The following ASTN2 variants were observed in gnomAD, a reference collection of about 807,000 sequenced individuals.
ASTN2 encodes the protein astrotactin 2.
In ASTN2, 54 loss-of-function variants were observed where a neutral mutation model predicts 139.8. The observed-to-expected ratio is 0.39, with a 90% CI of 0.31 to 0.48. ASTN2 has a LOEUF of 0.48. Among genes scored for constraint, ASTN2 ranks in the 20% least tolerant of loss-of-function variants. The probability of loss-of-function intolerance (pLI) is 0.95; values close to 1 mark genes in which losing one functional copy is unlikely to be tolerated. For synonymous variants in ASTN2, 756 were observed against 719.5 expected (o/e 1.05, Z -0.81); for missense variants, 1,565 against 1,725.1 (o/e 0.91, Z 1.64).
In ASTN2 at chr9:117,162,635, C is replaced by T. The variant is rs199573716; in HGVS notation, c.1016-21157G>A. ...CAAGTTCTTTAAGCTTTCCTAGCCT[C>T]GGTTTCTGTATCTGTAAAATCTGTA... On this transcript the variant is annotated intron_variant, in intron 3 of 22. Transcript: ENST00000313400. 1.9e-4 allele frequency among the ~76,000 whole-genome samples: 29 copies of T among 152,156 alleles called. No individual in the cohort carries two copies. The East Asian group carries it at 2.7e-3, about 14-fold the overall frequency.
chr9:116,801,925 G>A (rs1830870166), intron 13 of ASTN2, among the ~76,000 whole-genome samples: 1 of 152,082 alleles, frequency 6.6e-6, no homozygotes, highest in Non-Finnish European at 1.5e-5. Flanking sequence ...GGGCACTTAG[G>A]CTCTGGCTGT....
At chr9:116,598,809 T>C (rs1854718333) in intron 19 of ASTN2, among the ~76,000 whole-genome samples, 1 of 152,262 alleles carries the variant, frequency 6.6e-6, no homozygotes, top group African/African-American at 2.4e-5. Context: ...CTAGGTATCT[T>C]AGATGAACCT....
chr9:116,591,343 C>T (rs1588046967), intron 19 of ASTN2, among the ~76,000 whole-genome samples: 1 of 152,204 alleles, frequency 6.6e-6, no homozygotes, highest in East Asian at 1.9e-4. Flanking sequence ...AGCCACCTGC[C>T]CTTCTGCAGC....
intron 17 of ASTN2, among the ~76,000 whole-genome samples, chr9:116,632,194 GAGAAAGAAAGAAA>G (rs1271480182): frequency 7.4e-4 from 31 of 42,010 alleles, no homozygotes; most frequent in Non-Finnish European, 1.3e-3. Flanking sequence ...GGGAGAGAGA[GAGAAAGAAAGAAA>G]AGAAAGAAAG....
At chr9:116,971,825 C>T (rs1017856600) in intron 10 of ASTN2, among the ~76,000 whole-genome samples, 2 of 152,210 alleles carry the variant, frequency 1.3e-5, no homozygotes, top group African/African-American at 4.8e-5. Flanking sequence ...ACTTAATCTT[C>T]ATCACTCCAT....
intron 3 of ASTN2, among the ~76,000 whole-genome samples, chr9:117,186,989 C>T (rs1210758377): frequency 6.6e-6 from 1 of 151,870 alleles, no homozygotes; most frequent in Non-Finnish European, 1.5e-5. Context: ...ATTAGCAGGG[C>T]GTGTTGGTGC....
chr9:116,455,579 G>T (rs1848309033), intron 20 of ASTN2, among the ~76,000 whole-genome samples: 1 of 151,890 alleles, frequency 6.6e-6, no homozygotes, highest in African/African-American at 2.4e-5. Flanking sequence ...TGGGCAAAAT[G>T]ATCAATGACT....
At position 117,414,799 on chromosome 9, in the gene ASTN2, A is replaced by AGCG. The variant is rs770486164; in HGVS notation, c.137_139dup (p.Pro46dup). ...GGCAGCGGCGGTGGCGCCGGCCAGC[A>AGCG]GCGGCGGCGGCGGCAGCAGGAGCAG... On this transcript the variant is annotated inframe_insertion, in exon 1 of 23. Transcript: ENST00000313400. This position sits in a 1 kb window ranked among gnomAD's most constrained non-coding sequence, Gnocchi z 4.2. 1.2e-5 allele frequency: 15 copies of AGCG among 1,231,688 alleles called. No individual in the cohort carries two copies. The highest frequency in any genetic ancestry group is 1.1e-4 in the African/African-American group (7 of 62,086). The allele number at this position is 1,231,688 out of a possible 1,614,324, so 76.3% of individuals were successfully genotyped here.
intron 4 of ASTN2, among the ~76,000 whole-genome samples, chr9:117,104,135 G>A (rs143670932): frequency 3.8e-4 from 58 of 152,256 alleles, no homozygotes; most frequent in African/African-American, 1.3e-3. Context: ...AAATTTCTGC[G>A]GCATTCTTGG....
intron 17 of ASTN2, among the ~76,000 whole-genome samples, chr9:116,632,128 A>AAGAGAGAGAGAG (rs145360209): frequency 0.028 from 1,319 of 47,606 alleles, 30 homozygotes; most frequent in South Asian, 0.035. Context: ...AAAGAAAAAG[A>AAGAGAGAGAGAG]AGAGAGAGAG....
At chr9:116,651,290 CA>C (rs1857899115) in intron 17 of ASTN2, among the ~76,000 whole-genome samples, 3 of 152,130 alleles carry the variant, frequency 2.0e-5, no homozygotes, top group South Asian at 4.1e-4. Flanking sequence ...AACAAACAAA[CA>C]AAAACCTTGA....
intron 2 of ASTN2, among the ~76,000 whole-genome samples, chr9:117,263,321 C>A (rs764365937): frequency 6.6e-6 from 1 of 152,080 alleles, no homozygotes; most frequent in Non-Finnish European, 1.5e-5. Context: ...TTTTATCTAA[C>A]TATTCCTGAA....
intron 5 of ASTN2, among the ~76,000 whole-genome samples, chr9:117,095,568 T>C (rs1429289028): frequency 6.6e-6 from 1 of 152,234 alleles, no homozygotes; most frequent in Non-Finnish European, 1.5e-5. Flanking sequence ...TGCTTGATTC[T>C]TTCCCATTAA....
intron 19 of ASTN2, chr9:116,583,745 A>C (rs1854040916): frequency 6.6e-6 from 1 of 152,136 alleles, no homozygotes; most frequent in South Asian, 2.1e-4. Flanking sequence ...TGAGTCTGAA[A>C]TGGCAAGGAG....
intron 16 of ASTN2, among the ~76,000 whole-genome samples, chr9:116,696,089 C>A (rs1273836896): frequency 6.6e-6 from 1 of 152,168 alleles, no homozygotes; most frequent in Non-Finnish European, 1.5e-5. Flanking sequence ...TTTCCCCACT[C>A]CATTCCTGCT....
chr9:116,876,763 A>T (rs1208830679), intron 10 of ASTN2, among the ~76,000 whole-genome samples: 1 of 152,236 alleles, frequency 6.6e-6, no homozygotes, highest in Non-Finnish European at 1.5e-5. Context: ...ATATTTCTTA[A>T]TTAAGGTATG....
intron 16 of ASTN2, among the ~76,000 whole-genome samples, chr9:116,724,841 G>C (rs750994497): frequency 6.6e-5 from 10 of 152,180 alleles, no homozygotes; most frequent in Non-Finnish European, 1.3e-4. Context: ...ATATCAAGAA[G>C]CATTTCAGTA....
Position 117,346,010 on chromosome 9 carries a change from C to CAAAAAAAAAAAAAAAAAA in ASTN2, c.443-54498_443-54497insTTTTTTTTTTTTTTTTTT, listed in dbSNP as rs35773511. Among the ~76,000 whole-genome samples, 31 of 92,286 alleles carry CAAAAAAAAAAAAAAAAAA rather than the reference C, an allele frequency of 3.4e-4. 1 individual carries two copies. Among genetic ancestry groups the CAAAAAAAAAAAAAAAAAA allele is most frequent in the East Asian group, 1.6e-3 (4 of 2,520 alleles). The allele number at this position is 92,286 out of a possible 152,430, so 60.5% of individuals were successfully genotyped here. A position where few individuals can be genotyped will look rare whatever the true frequency, so the allele number is the denominator to read the frequency against. On this transcript the variant is annotated intron_variant, in intron 1 of 22. Coordinates refer to ENST00000313400, the MANE Select transcript of ASTN2 (RefSeq NM_001365068.1). The stretch of plus-strand genomic sequence containing the variant: ...CATTGCCACTTAGTGAACTAAGAGG[C>CAAAAAAAAAAAAAAAAAA]AAAAAAAAAAAAAAAAGGAAAAGGA...
At chr9:116,487,870 T>C (rs527787251) in intron 19 of ASTN2, among the ~76,000 whole-genome samples, 1 of 151,544 alleles carries the variant, frequency 6.6e-6, no homozygotes, top group African/African-American at 2.5e-5. Context: ...GTTAACTCCT[T>C]GAGCAAAGCT....
Sources: gnomAD v4.1 joint callset for allele counts (sites outside exome capture counted in the v4.1 genomes callset) on GRCh38, gnomAD v4.1.1 for gene constraint, Gnocchi (gnomAD v3.1) non-coding constraint, MANE v1.5 for transcripts, NCBI Gene and HGNC (gene_info 2026-07-23, HGNC 2026-07-21) for gene names.